HSPG2: variants seen among roughly 807,000 people sequenced by gnomAD.
HSPG2 encodes basement membrane-specific heparan sulfate proteoglycan core protein.
HSPG2 carries 278 observed loss-of-function variants against 526.6 expected under a neutral mutation model. That is an observed-to-expected ratio of 0.53 (90% CI 0.48 to 0.58). HSPG2 has a LOEUF of 0.58. Among genes scored for constraint, HSPG2 ranks in the 20% least tolerant of loss-of-function variants. The probability of loss-of-function intolerance (pLI) is 0.00; values close to 1 mark genes in which losing one functional copy is unlikely to be tolerated. For synonymous variants in HSPG2, 2,465 were observed against 2,555.4 expected, an observed-to-expected ratio of 0.96 and a Z score of 1.07; for missense variants, 5,354 against 6,099.5, an observed-to-expected ratio of 0.88 and a Z score of 4.07.
At chr1:21,830,880 T>G (rs1572153323) in intron 85 of HSPG2, 102 bp downstream of exon 85, 3 of 729,806 alleles carry the variant, frequency 4.1e-6, no homozygotes, top group Middle Eastern at 3.6e-4. Context: ...GAGTGGGGGG[T>G]GTGGAAGTGC....
At chr1:21,834,399 C>T (rs1345778895) in intron 77 of HSPG2, among the ~76,000 whole-genome samples, 2 of 152,192 alleles carry the variant, frequency 1.3e-5, no homozygotes, top group African/African-American at 4.8e-5. Flanking sequence ...TCTCTCCCAG[C>T]AGAGCAGGCA....
At chr1:21,929,161 A>G (rs1168799212) in intron 1 of HSPG2, among the ~76,000 whole-genome samples, 1 of 152,152 alleles carries the variant, frequency 6.6e-6, no homozygotes, top group Non-Finnish European at 1.5e-5. Flanking sequence ...TCCACTCTAG[A>G]TGAGGGGGTA....
rs138517802 is a variant in HSPG2 at position 21,875,745 on chromosome 1, T to G, written c.3186A>C (p.Gln1062His). ...GCTGCCCATCGGGCCGCTGCCATGC[T>G]TGCTGCCAAGGAGAGGACACATGTG... ...PSTFIVPFREQAWQRPDGQPA... is the reference protein window; with the variant it reads ...PSTFIVPFREHAWQRPDGQPA... The change falls in exon 25 of 97, where the codon CAA (glutamine) becomes CAC (histidine). Residue 1062 changes from glutamine to histidine, a missense_variant and splice_region_variant. Physicochemically the swap from Gln to His is conservative, Grantham distance 24 (BLOSUM62 0). Transcript: ENST00000374695. 23 of 1,605,794 alleles carry G rather than the reference T, an allele frequency of 1.4e-5. No individual in the cohort carries two copies. In the African/African-American group the frequency reaches 2.9e-4, roughly 20 times the overall value.
In HSPG2 at chr1:21,887,697, A is replaced by G. The variant is rs147410434; in HGVS notation, c.704-23T>C. The G allele has an allele frequency of 3.6e-4, 589 of 1,613,764 alleles. 5 individuals are homozygous for G. The East Asian group carries it at 0.013, about 35-fold the overall frequency. On this transcript the variant is annotated intron_variant, in intron 7 of 96. Coordinates refer to ENST00000374695, the MANE Select transcript of HSPG2 (RefSeq NM_005529.7). The surrounding 1 kb of genome is among the most constrained non-coding windows in gnomAD (Gnocchi z 5.0). ...CCTCTGTGGATAGATTCCGCTTGGC[A>G]TTTGGCAGAAGCAGATGGCTCCTCA...
intron 74 of HSPG2, 74 bp downstream of exon 74, chr1:21,838,751 A>C (rs1468121471): frequency 5.3e-6 from 8 of 1,517,316 alleles, no homozygotes; most frequent in Non-Finnish European, 7.2e-6. Context: ...TTCCCACCCG[A>C]GTCTGCCTAG....
At chr1:21,855,702 C>A in intron 45 of HSPG2, 27 bp from the exon 46 acceptor site, 1 of 1,588,202 alleles carries the variant, frequency 6.3e-7, no homozygotes, top group East Asian at 2.3e-5. Context: ...GGGTCAGCAC[C>A]CACCAAGCCT....
chr1:21,834,136 T>C (rs922224629), intron 77 of HSPG2, among the ~76,000 whole-genome samples: 8 of 152,160 alleles, frequency 5.3e-5, no homozygotes, highest in Non-Finnish European at 4.4e-5. Flanking sequence ...TCCATTTCAC[T>C]CCACAGCCTG....
At chr1:21,833,120 C>T (rs2098011883) in intron 80 of HSPG2, 148 bp downstream of exon 80, 1 of 729,786 alleles carries the variant, frequency 1.4e-6, no homozygotes, top group Non-Finnish European at 2.5e-6. Context: ...AGGGTGGAGG[C>T]CCAGAGGTCT....
chr1:21,903,831 G>C (rs989616717), intron 1 of HSPG2, among the ~76,000 whole-genome samples: 1 of 152,104 alleles, frequency 6.6e-6, no homozygotes, highest in South Asian at 2.1e-4. Flanking sequence ...CACCCAACCC[G>C]GTCTGGCACT....
In HSPG2 at chr1:21,829,400, C is replaced by T. The variant is rs764827758; in HGVS notation, c.11975G>A (p.Arg3992His). ...GTGCTTACCTGACCCCAACTCATAGCGGAACTCCAGGTGGCCGCCCACCAT... is the reference window on the plus strand; with the variant it reads ...GTGCTTACCTGACCCCAACTCATAGTGGAACTCCAGGTGGCCGCCCACCAT... ...LAMVGGHLEF[R>H]YELGSGLAVL... Residue 3992 changes from arginine (R) to histidine (H), a missense_variant, in exon 87 of 97, where the codon CGC becomes CAC. Physicochemically the swap from Arg to His is conservative, Grantham distance 29. Coordinates refer to ENST00000374695, the MANE Select transcript of HSPG2 (RefSeq NM_005529.7). The T allele has an allele frequency of 2.1e-5, 34 of 1,613,264 alleles. No individual in the cohort carries two copies. In the Admixed American group the frequency reaches 2.5e-4, roughly 12 times the overall value.
At chr1:21,835,467 TG>T in intron 76 of HSPG2, 72 bp downstream of exon 76, 1 of 957,648 alleles carries the variant, frequency 1.0e-6, no homozygotes. Flanking sequence ...GAACAGGGTC[TG>T]GGCCTTGTGC....
chr1:21,860,718 C>T (rs1018302793), intron 39 of HSPG2, among the ~76,000 whole-genome samples: 1 of 152,136 alleles, frequency 6.6e-6, no homozygotes, highest in Non-Finnish European at 1.5e-5. Context: ...ATCTCCTGAC[C>T]TCATGATCCG....
rs1457648371 is a variant in HSPG2 at position 21,904,884 on chromosome 1, T to A, written c.64-8574A>T. Among the ~76,000 whole-genome samples, 1 of 152,150 alleles carries A rather than the reference T, an allele frequency of 6.6e-6. No individual in the cohort carries two copies. Among genetic ancestry groups the A allele is most frequent in the Non-Finnish European group, 1.5e-5 (1 of 68,022 alleles). On this transcript the variant is annotated intron_variant, in intron 1 of 96. Transcript: ENST00000374695. The surrounding 1 kb of genome is among the most constrained non-coding windows in gnomAD (Gnocchi z 4.4). ...TGCTGCCCTGGCAGGTCTGTGGGGC[T>A]TCAAGGGCACACCAACCTGGTTGGG...
At position 21,898,374 on chromosome 1, in the gene HSPG2, C is replaced by T. The variant is rs560317698; in HGVS notation, c.64-2064G>A. On this transcript the variant is annotated intron_variant, in intron 1 of 96. Transcript: ENST00000374695. The surrounding 1 kb of genome is among the most constrained non-coding windows in gnomAD (Gnocchi z 4.0). ...TTGCCTCCTGTTCCTTCTCCTCTCC[C>T]TGCCCTCTCCCTGTCCTCCTGAGTG... 5.9e-5 allele frequency among the ~76,000 whole-genome samples: 9 copies of T among 152,340 alleles called. No homozygotes were observed. Among genetic ancestry groups the T allele is most frequent in the Admixed American group, 4.6e-4 (7 of 15,304 alleles).
chr1:21,824,462 C>A lies in HSPG2; in HGVS notation c.12744+75G>T. The A allele has an allele frequency of 6.2e-7, 1 of 1,602,856 alleles. No homozygotes were observed. Reference sequence around the variant, plus strand: ...CAGGGGGCTCTGCTTTCCCCTCCCCCCACCACTCCGGCCACCAGGAAGCCA... The same window carrying A: ...CAGGGGGCTCTGCTTTCCCCTCCCCACACCACTCCGGCCACCAGGAAGCCA... On this transcript the variant is annotated intron_variant, in intron 93 of 96. Coordinates refer to ENST00000374695, the MANE Select transcript of HSPG2 (RefSeq NM_005529.7). The surrounding 1 kb of genome is among the most constrained non-coding windows in gnomAD (Gnocchi z 5.9).
rs1344834561 is a variant in HSPG2, at chr1:21,834,944, G to C, written c.10455C>G (p.Ala3485=). 6.2e-7 allele frequency: 1 copy of C among 1,611,538 alleles called. No individual in the cohort carries two copies. The part of the protein sequence containing the change: ...AQASAQLVIQ[A]LPSVLINIRT... ...GGATGTTGATGAGCACCGAGGGCAGGGCTGGGGAGGAGGGAGGCAGAGGTC... is the reference window on the plus strand; with the variant it reads ...GGATGTTGATGAGCACCGAGGGCAGCGCTGGGGAGGAGGGAGGCAGAGGTC... The change falls in exon 77 of 97, where the codon GCC becomes GCG. Residue 3485 remains alanine (A), a splice_region_variant and synonymous_variant. Transcript: ENST00000374695.
intron 1 of HSPG2, among the ~76,000 whole-genome samples, chr1:21,905,056 C>G (rs559636661): frequency 6.6e-6 from 1 of 152,260 alleles, no homozygotes; most frequent in East Asian, 1.9e-4. Context: ...GCTTCCTGAA[C>G]CTGTCGGGTT....
At chr1:21,918,783 A>G (rs1643949371) in intron 1 of HSPG2, among the ~76,000 whole-genome samples, 1 of 152,242 alleles carries the variant, frequency 6.6e-6, no homozygotes, top group African/African-American at 2.4e-5. Context: ...GGTCTACAGA[A>G]TTAGGGGAAA....
chr1:21,880,029 G>A, intron 17 of HSPG2, 78 bp downstream of exon 17: 2 of 1,525,198 alleles, frequency 1.3e-6, no homozygotes, highest in Non-Finnish European at 1.8e-6. Flanking sequence ...GGCTTGTGCT[G>A]AGCTCATGAA....
Sources: gnomAD v4.1 joint callset for allele counts (sites outside exome capture counted in the v4.1 genomes callset) on GRCh38, gnomAD v4.1.1 for gene constraint, Gnocchi (gnomAD v3.1) non-coding constraint, MANE v1.5 for transcripts, NCBI Gene and HGNC (gene_info 2026-07-23, HGNC 2026-07-21) for gene names.